Variants in TTC39C observed in about 807,000 individuals in gnomAD.
TTC39C encodes tetratricopeptide repeat protein 39C.
A neutral mutation model predicts 76.3 loss-of-function variants in TTC39C; 33 were observed. The ratio of observed to expected loss-of-function variants is 0.43; its 90% confidence interval spans 0.33 to 0.58. The LOEUF is 0.58. Ranked by LOEUF, TTC39C falls within the 20% of genes least tolerant of loss-of-function variation. TTC39C has a pLI of 0.04. For missense variants in TTC39C, 595 were observed against 701.4 expected, an observed-to-expected ratio of 0.85 and a Z score of 1.71; for synonymous variants, 254 against 260.6, an observed-to-expected ratio of 0.97 and a Z score of 0.24.
At chr18:24,091,872 G>A (rs528802537) in intron 6 of TTC39C, among the ~76,000 whole-genome samples, 35 of 151,954 alleles carry the variant, frequency 2.3e-4, no homozygotes, top group South Asian at 6.2e-4. Flanking sequence ...GACAGATCAC[G>A]AGGTCAGGAG....
At chr18:24,098,783 C>T (rs1401105672) in intron 6 of TTC39C, among the ~76,000 whole-genome samples, 1 of 151,612 alleles carries the variant, frequency 6.6e-6, no homozygotes, top group Non-Finnish European at 1.5e-5. Context: ...AGGTGCCCAA[C>T]ACCACACCTG....
At chr18:24,009,569 A>C (rs1343703888) in intron 1 of TTC39C, among the ~76,000 whole-genome samples, 1 of 152,220 alleles carries the variant, frequency 6.6e-6, no homozygotes, top group Non-Finnish European at 1.5e-5. Context: ...AGATGGGTTA[A>C]AGGGAAGGGA....
chr18:24,002,942 C>T (rs1414365440), intron 1 of TTC39C, among the ~76,000 whole-genome samples: 1 of 152,192 alleles, frequency 6.6e-6, no homozygotes, highest in African/African-American at 2.4e-5. Context: ...TCTATACACT[C>T]AATTAAAATT....
intron 1 of TTC39C, among the ~76,000 whole-genome samples, chr18:24,026,571 C>G (rs1051349572): frequency 2.0e-5 from 3 of 152,200 alleles, no homozygotes; most frequent in African/African-American, 7.2e-5. Flanking sequence ...CACCCTCAAC[C>G]ATGACATCAG....
At position 24,014,797 on chromosome 18, in the gene TTC39C, G is replaced by C; in HGVS notation, c.-75G>C. 4.3e-6 allele frequency: 5 copies of C among 1,168,766 alleles called. No individual in the cohort carries two copies. Among genetic ancestry groups the C allele is most frequent in the Non-Finnish European group, 5.3e-6 (5 of 943,910 alleles). The allele number at this position is 1,168,766 out of a possible 1,614,324, so 72.4% of individuals were successfully genotyped here. On this transcript the variant is annotated 5_prime_UTR_variant, in exon 1 of 14. Transcript: ENST00000317571. Reference sequence around the variant, plus strand: ...CGCTTGGCTCCGGGCAGGTAGAGCCGGGCTCCGGGCGCGCGCGGGGCCGCA... The same window carrying C: ...CGCTTGGCTCCGGGCAGGTAGAGCCCGGCTCCGGGCGCGCGCGGGGCCGCA...
chr18:24,072,596 C>G (rs1197670669), intron 4 of TTC39C, among the ~76,000 whole-genome samples: 1 of 152,194 alleles, frequency 6.6e-6, no homozygotes, highest in Non-Finnish European at 1.5e-5. Context: ...CGTGCCCGGT[C>G]AATGCTTCTT....
intron 1 of TTC39C, among the ~76,000 whole-genome samples, chr18:23,996,883 G>A (rs912274814): frequency 6.6e-6 from 1 of 152,140 alleles, no homozygotes; most frequent in Non-Finnish European, 1.5e-5. Flanking sequence ...GCCAAGGTGG[G>A]TGGATCACAA....
chr18:24,084,641 T>C (rs767012044), intron 6 of TTC39C, among the ~76,000 whole-genome samples: 4 of 152,130 alleles, frequency 2.6e-5, no homozygotes, highest in Non-Finnish European at 5.9e-5. Flanking sequence ...GTTTCTCCCT[T>C]TTTTCTCTCA....
At chr18:24,100,477 G>A (rs1247725026) in intron 6 of TTC39C, among the ~76,000 whole-genome samples, 1 of 152,214 alleles carries the variant, frequency 6.6e-6, no homozygotes, top group Non-Finnish European at 1.5e-5. Context: ...TTAGCTGTTA[G>A]GATTCAGTGA....
At chr18:24,116,993 T>C (rs1175201032) in intron 7 of TTC39C, among the ~76,000 whole-genome samples, 1 of 151,728 alleles carries the variant, frequency 6.6e-6, no homozygotes, top group Non-Finnish European at 1.5e-5. Context: ...ACCTGGCTAA[T>C]TTTTTATAGA....
chr18:24,064,242 A>T lies in TTC39C; in HGVS notation c.216+54A>T, dbSNP rs990173646. 2.8e-5 allele frequency: 44 copies of T among 1,596,786 alleles called. No individual in the cohort carries two copies. The African/African-American group carries it at 5.5e-4, about 20-fold the overall frequency. ...ATGAAGGAAACAATTATATAAAGTAATGTCTGTTAGTGGCTACCAGTTGTA... is the reference window on the plus strand; with the variant it reads ...ATGAAGGAAACAATTATATAAAGTATTGTCTGTTAGTGGCTACCAGTTGTA... On this transcript the variant is annotated intron_variant, in intron 2 of 13. Coordinates refer to ENST00000317571, the MANE Select transcript of TTC39C (RefSeq NM_001135993.2).
rs1428064760 is a variant in TTC39C at position 24,080,679 on chromosome 18, G to A, written c.555G>A (p.Lys185=). ...DINALQELYQ[K]KLTEESLTSD... ...ATGCCCTTCAGGAGCTGTATCAGAA[G>A]AAGCTAACTGAAGAGTCCTTGACTT... Residue 185 remains lysine (K), a synonymous_variant, in exon 5 of 14, where the codon AAG becomes AAA. Transcript: ENST00000317571. 5 of 1,614,132 alleles carry A rather than the reference G, an allele frequency of 3.1e-6. No homozygotes were observed. Among genetic ancestry groups the A allele is most frequent in the Non-Finnish European group, 4.2e-6 (5 of 1,179,982 alleles).
intron 6 of TTC39C, among the ~76,000 whole-genome samples, chr18:24,091,491 A>G (rs1381118414): frequency 1.3e-5 from 2 of 152,172 alleles, no homozygotes; most frequent in Non-Finnish European, 2.9e-5. Context: ...GGACCCTTAT[A>G]CTATACAAGA....
At position 24,005,959 on chromosome 18, in the gene TTC39C, T is replaced by G. The variant is rs2083348487; in HGVS notation, c.-17+12921T>G. 1.3e-5 allele frequency among the ~76,000 whole-genome samples: 2 copies of G among 152,022 alleles called. 1 individual carries two copies. The highest frequency in any genetic ancestry group is 4.1e-4 in the South Asian group (2 of 4,828). ...TAATTTAGAACATTTTCAAGATTAG[T>G]TTTTAGAATGTATGTGTGTGCCTTC... On this transcript the variant is annotated intron_variant, in intron 1 of 13. Coordinates refer to the TTC39C transcript ENST00000304621.
In TTC39C at chr18:24,004,569, G is replaced by A. The variant is rs2083337541; in HGVS notation, c.-17+11531G>A. On this transcript the variant is annotated intron_variant, in intron 1 of 13. Transcript: ENST00000304621. Reference sequence around the variant, plus strand: ...TCTGACCTGGTTACCCTTGTGTGGTGTTTCTTTCAACTCCAGATGTATACA... The same window carrying A: ...TCTGACCTGGTTACCCTTGTGTGGTATTTCTTTCAACTCCAGATGTATACA... 2.0e-5 allele frequency among the ~76,000 whole-genome samples: 3 copies of A among 152,074 alleles called. No individual in the cohort carries two copies. In the South Asian group the frequency reaches 6.2e-4, roughly 32 times the overall value.
intron 1 of TTC39C, among the ~76,000 whole-genome samples, chr18:24,044,377 G>A (rs867401113): frequency 2.6e-5 from 4 of 152,142 alleles, no homozygotes; most frequent in African/African-American, 9.7e-5. Flanking sequence ...GAGCTTGCAG[G>A]GGCTCAGAGC....
chr18:24,132,602 C>A lies in TTC39C; in HGVS notation c.*28C>A. On this transcript the variant is annotated 3_prime_UTR_variant, in exon 14 of 14. Coordinates refer to ENST00000317571, the MANE Select transcript of TTC39C (RefSeq NM_001135993.2). The stretch of plus-strand genomic sequence containing the variant: ...GACCCGGAACACCCGCTCCGTCCCT[C>A]CCCACCCAGGGTCCGCACTTTAAAA... The A allele has an allele frequency of 1.3e-6, 2 of 1,590,496 alleles. No individual in the cohort carries two copies. Among genetic ancestry groups the A allele is most frequent in the South Asian group, 1.1e-5 (1 of 89,402 alleles).
At chr18:24,076,358 C>T (rs558410193) in intron 4 of TTC39C, among the ~76,000 whole-genome samples, 16 of 152,172 alleles carry the variant, frequency 1.1e-4, no homozygotes, top group Admixed American at 2.6e-4. Flanking sequence ...CATACTTGAC[C>T]TTTCAGAGCA....
intron 6 of TTC39C, among the ~76,000 whole-genome samples, chr18:24,110,971 C>T (rs2084801130): frequency 6.6e-6 from 1 of 151,826 alleles, no homozygotes; most frequent in Non-Finnish European, 1.5e-5. Flanking sequence ...ATTTTAATGC[C>T]TCCATGGTGG....
Sources: allele counts gnomAD v4.1 joint callset (sites outside exome capture counted in the v4.1 genomes callset), GRCh38; gene constraint gnomAD v4.1.1; transcripts MANE v1.5; gene names NCBI Gene and HGNC (gene_info 2026-07-23, HGNC 2026-07-21).